The following CARD9 variants were observed in gnomAD, a reference collection of about 807,000 sequenced individuals.
CARD9 encodes caspase recruitment domain family member 9.
Under a neutral mutation model 66.0 loss-of-function variants are expected in CARD9, and 53 were observed. The ratio of observed to expected loss-of-function variants is 0.80; its 90% CI spans 0.64 to 1.01. CARD9 has a LOEUF of 1.01. Among genes scored for constraint, CARD9 ranks in the 50% least tolerant of loss-of-function variants. CARD9 has a pLI of 0.00. For synonymous variants in CARD9, 387 were observed against 313.8 expected (o/e 1.23, Z -2.47); for missense variants, 769 against 743.2 (o/e 1.03, Z -0.40).
In CARD9 at chr9:136,371,310, C is replaced by T. The variant is rs1366525983; in HGVS notation, c.322+14G>A. The stretch of plus-strand genomic sequence containing the variant: ...AGCGCCTCCCCTGTCGGCCCCGCCT[C>T]CCCCGTCACTCACCGATGATCATGG... On this transcript the variant is annotated intron_variant, in intron 3 of 12. Transcript: ENST00000371732. 1.3e-6 allele frequency: 2 copies of T among 1,598,704 alleles called. No homozygotes were observed. Among genetic ancestry groups the T allele is most frequent in the Admixed American group, 1.7e-5 (1 of 58,170 alleles).
Position 136,367,689 on chromosome 9 carries a change from A to G in CARD9, c.1217T>C (p.Leu406Pro), listed in dbSNP as rs1430559286. ...QLQVFQCEAQLLAVEGRLRRQ... is the reference protein window; with the variant it reads ...QLQVFQCEAQPLAVEGRLRRQ... ...CCTGAGCCTGCCCTCCACGGCCAGT[A>G]GCTGCGCCTCACACTGGAACACCTG... The change falls in exon 8 of 13, where the codon CTA (leucine) becomes CCA (proline). Residue 406 changes from leucine to proline, a missense_variant. Leu to Pro is a moderately conservative substitution (Grantham distance 98, BLOSUM62 -3). Coordinates refer to ENST00000371732, the MANE Select transcript of CARD9 (RefSeq NM_052813.5). 1.2e-6 allele frequency: 2 copies of G among 1,601,410 alleles called. No individual in the cohort carries two copies. Among genetic ancestry groups the G allele is most frequent in the South Asian group, 2.2e-5 (2 of 90,172 alleles).
chr9:136,366,615 G>T, intron 10 of CARD9, 185 bp downstream of exon 10: 1 of 671,192 alleles, frequency 1.5e-6, no homozygotes, highest in Admixed American at 2.3e-5. Context: ...TTCCAGCTGG[G>T]CTCTGTAGTT....
At chr9:136,371,516 G>A (rs752256643) in intron 2 of CARD9, 55 bp from the exon 3 acceptor site, 1 of 1,500,128 alleles carries the variant, frequency 6.7e-7, no homozygotes. Context: ...CAGAGGGCTG[G>A]GGTGGGTGGG....
chr9:136,371,947 A>C lies in CARD9; in HGVS notation c.132T>G (p.Asp44Glu), dbSNP rs931686923. 4.3e-6 allele frequency: 7 copies of C among 1,610,262 alleles called. No homozygotes were observed. Among genetic ancestry groups the C allele is most frequent in the Non-Finnish European group, 5.9e-6 (7 of 1,177,870 alleles). ...LRQCKVLNPD[D>E]EEQVLSDPNL... Reference sequence around the variant, plus strand: ...TGGGGTCGCTGAGCACCTGCTCCTCATCATCGGGGTTCAGGACCTTGCACT... The same window carrying C: ...TGGGGTCGCTGAGCACCTGCTCCTCCTCATCGGGGTTCAGGACCTTGCACT... The change falls in exon 2 of 13, where the codon GAT becomes GAG. Residue 44 changes from aspartate to glutamate, a missense_variant. Physicochemically the swap from Asp to Glu is conservative, Grantham distance 45. Transcript: ENST00000371732.
At chr9:136,368,079 T>C (rs1833170300) in intron 7 of CARD9, 1 of 1,339,220 alleles carries the variant, frequency 7.5e-7, no homozygotes, top group African/African-American at 1.5e-5. Flanking sequence ...ACACAGCGTG[T>C]GCTATGTACC....
rs1833328114 is a variant in CARD9, at chr9:136,373,640, C to T, written c.-125G>A. Reference sequence around the variant, plus strand: ...TGCAGGGAGGGAGGAGCACGCCGGACGCCTGTGCACTTCCTGATGGGTTCT... The same window carrying T: ...TGCAGGGAGGGAGGAGCACGCCGGATGCCTGTGCACTTCCTGATGGGTTCT... On this transcript the variant is annotated 5_prime_UTR_variant, in exon 1 of 13. Coordinates refer to ENST00000371732, the MANE Select transcript of CARD9 (RefSeq NM_052813.5). 9.7e-6 allele frequency: 9 copies of T among 924,238 alleles called. No individual in the cohort carries two copies. The highest frequency in any genetic ancestry group is 1.2e-5 in the Non-Finnish European group (9 of 774,070). 57.3% of individuals were successfully genotyped at this position (924,238 alleles called of 1,614,324 possible).
chr9:136,368,041 T>C, intron 7 of CARD9: 6 of 1,410,480 alleles, frequency 4.3e-6, no homozygotes, highest in Non-Finnish European at 5.5e-6. Context: ...TGCCCTTCTG[T>C]CTCCTCCCAA....
intron 1 of CARD9, among the ~76,000 whole-genome samples, chr9:136,373,100 C>G (rs1223467666): frequency 6.6e-6 from 1 of 152,244 alleles, no homozygotes; most frequent in Non-Finnish European, 1.5e-5. Flanking sequence ...AGACAGCCTC[C>G]AGCCCCGCTG....
intron 2 of CARD9, among the ~76,000 whole-genome samples, chr9:136,371,670 G>A (rs1833278543): frequency 1.3e-5 from 2 of 151,266 alleles, no homozygotes; most frequent in Non-Finnish European, 1.5e-5. Flanking sequence ...AGGAGCCCCC[G>A]CTGCGGTGGG....
chr9:136,370,543 C>G lies in CARD9; in HGVS notation c.786G>C (p.Gln262His). The G allele has an allele frequency of 6.2e-7, 1 of 1,604,470 alleles. No homozygotes were observed. The highest frequency in any genetic ancestry group is 8.5e-7 in the Non-Finnish European group (1 of 1,176,922). Residue 262 changes from glutamine to histidine, a missense_variant, in exon 5 of 13, where the codon CAG becomes CAC. Gln to His is a conservative substitution (Grantham distance 24). Coordinates refer to ENST00000371732, the MANE Select transcript of CARD9 (RefSeq NM_052813.5). The part of the protein sequence containing the change: ...QEKALLQARV[Q>H]ELEASVQEGK... ...CCACCTGGACGGAGGCCTCCAGCTC[C>G]TGCACCCGGGCCTGGAGCAGGGCCT...
At chr9:136,369,255 C>G (rs965254603) in intron 7 of CARD9, among the ~76,000 whole-genome samples, 1 of 152,104 alleles carries the variant, frequency 6.6e-6, no homozygotes, top group Non-Finnish European at 1.5e-5. Context: ...CACGTCCAGC[C>G]AAGCTTTTTT....
At position 136,370,614 on chromosome 9, in the gene CARD9, C is replaced by T. The variant is rs2131443372; in HGVS notation, c.715G>A (p.Glu239Lys). Reference sequence around the variant, plus strand: ...AGCAGCTCCTGGCTGGGCCGCTGCTCCATGGCGTGCCTGAGCTTCAGCGTG... The same window carrying T: ...AGCAGCTCCTGGCTGGGCCGCTGCTTCATGGCGTGCCTGAGCTTCAGCGTG... Reference protein sequence around the residue: ...KHTLKLRHAMEQRPSQELLWE... With the variant: ...KHTLKLRHAMKQRPSQELLWE... The change falls in exon 5 of 13, where the codon GAG becomes AAG. Residue 239 changes from glutamate to lysine, a missense_variant. Glu to Lys is a moderately conservative substitution (Grantham distance 56). Coordinates refer to ENST00000371732, the MANE Select transcript of CARD9 (RefSeq NM_052813.5). 1 of 1,612,706 alleles carries T rather than the reference C, an allele frequency of 6.2e-7. No homozygotes were observed. Among genetic ancestry groups the T allele is most frequent in the Non-Finnish European group, 8.5e-7 (1 of 1,179,910 alleles).
rs751054598 is a variant in CARD9 at position 136,364,270 on chromosome 9, G to A, written c.*32C>T. The A allele has an allele frequency of 5.2e-6, 8 of 1,551,130 alleles. No individual in the cohort carries two copies. The highest frequency in any genetic ancestry group is 1.4e-5 in the African/African-American group (1 of 73,054). The stretch of plus-strand genomic sequence containing the variant: ...GGGTGGCAGGAGGCCGGGCCGGTGG[G>A]TGTGCCCTGGTCGGGGCCTGCGCTG... On this transcript the variant is annotated 3_prime_UTR_variant, in exon 13 of 13. Transcript: ENST00000371732.
intron 9 of CARD9, 70 bp downstream of exon 9, chr9:136,367,146 C>G (rs951104303): frequency 1.3e-6 from 2 of 1,527,020 alleles, no homozygotes; most frequent in African/African-American, 2.7e-5. Context: ...TGGGGCTATG[C>G]CTGGTGGCAG....
chr9:136,368,104 T>A (rs1236876528), intron 7 of CARD9: 1 of 1,179,456 alleles, frequency 8.5e-7, no homozygotes, highest in Non-Finnish European at 1.1e-6. Flanking sequence ...CACGTGCACA[T>A]TTGATAAATT....
At position 136,365,127 on chromosome 9, in the gene CARD9, CG is replaced by C; in HGVS notation, c.1434+13del. 1.2e-6 allele frequency: 2 copies of C among 1,611,390 alleles called. No homozygotes were observed. The highest frequency in any genetic ancestry group is 1.7e-4 in the Middle Eastern group (1 of 6,042). On this transcript the variant is annotated intron_variant, in intron 11 of 12. Coordinates refer to ENST00000371732, the MANE Select transcript of CARD9 (RefSeq NM_052813.5). Reference sequence around the variant, plus strand: ...GCCCACGGCTGGGAGGACCCCACCCCGGGGAAGCCTTACATGGGGGTTCCGC... The same window carrying C: ...GCCCACGGCTGGGAGGACCCCACCCCGGGAAGCCTTACATGGGGGTTCCGC...
In CARD9 at chr9:136,373,626, AG is replaced by A. The variant is rs919035950; in HGVS notation, c.-112del. On this transcript the variant is annotated 5_prime_UTR_variant, in exon 1 of 13. Coordinates refer to ENST00000371732, the MANE Select transcript of CARD9 (RefSeq NM_052813.5). ...ATGCTGCCCGGGGCTGCAGGGAGGG[AG>A]GAGCACGCCGGACGCCTGTGCACTT... 1 of 975,132 alleles carries A rather than the reference AG, an allele frequency of 1.0e-6. No homozygotes were observed. 60.4% of individuals were successfully genotyped at this position (975,132 alleles called of 1,614,324 possible).
At chr9:136,364,746 A>G (rs1344101582) in intron 11 of CARD9, 187 bp from the exon 12 acceptor site, 24 of 638,916 alleles carry the variant, frequency 3.8e-5, no homozygotes, top group Non-Finnish European at 6.2e-5. Context: ...CGGTGTGGGT[A>G]GCCTGCATTT....
Position 136,364,473 on chromosome 9 carries a change from G to C in CARD9, c.1511+10C>G. 1 of 1,540,102 alleles carries C rather than the reference G, an allele frequency of 6.5e-7. No individual in the cohort carries two copies. The highest frequency in any genetic ancestry group is 8.7e-7 in the Non-Finnish European group (1 of 1,146,864). On this transcript the variant is annotated intron_variant, in intron 12 of 12. Coordinates refer to ENST00000371732, the MANE Select transcript of CARD9 (RefSeq NM_052813.5). ...CCCGTTTTGGAGAAGCCTGGGGGCC[G>C]CCCGCCTACCTGCGGTAGTTCTCAA... is the stretch of plus-strand genomic sequence containing the variant.
Sources: gnomAD v4.1 joint callset for allele counts (sites outside exome capture counted in the v4.1 genomes callset) on GRCh38, gnomAD v4.1.1 for gene constraint, MANE v1.5 for transcripts, NCBI Gene and HGNC (gene_info 2026-07-23, HGNC 2026-07-21) for gene names.